The following KCTD10 variants were observed in gnomAD, a reference collection of about 807,000 sequenced individuals.
The protein encoded by KCTD10 is BTB/POZ domain-containing adapter for CUL3-mediated RhoA degradation protein 3.
Under a neutral mutation model 34.6 loss-of-function variants are expected in KCTD10, and 13 were observed. The observed-to-expected ratio is 0.38, with a 90% CI of 0.24 to 0.60. The LOEUF (loss-of-function observed/expected upper bound fraction) is 0.60, where lower values mean the gene tolerates loss of function less well. Among genes scored for constraint, KCTD10 ranks in the 20% least tolerant of loss-of-function variants. The pLI is 0.66. For synonymous variants in KCTD10, 156 were observed against 168.8 expected (o/e 0.92, Z 0.59); for missense variants, 256 against 420.3 (o/e 0.61, Z 3.42).
chr12:109,473,508 C>T (rs11066788), intron 1 of KCTD10, among the ~76,000 whole-genome samples: 10,267 of 152,084 alleles, frequency 0.068, 369 homozygotes, highest in South Asian at 0.11. Flanking sequence ...TAATGGCAGA[C>T]GGCATGACTA....
At chr12:109,457,392 A>G (rs1873072465) in intron 5 of KCTD10, 1 of 427,216 alleles carries the variant, frequency 2.3e-6, no homozygotes. Context: ...GTGAATATAT[A>G]AAAACCACAT....
intron 6 of KCTD10, among the ~76,000 whole-genome samples, chr12:109,454,628 C>A (rs964882893): frequency 6.6e-6 from 1 of 152,172 alleles, no homozygotes; most frequent in Non-Finnish European, 1.5e-5. Context: ...ACTCAGGAGG[C>A]TGAGGCAGGA....
chr12:109,457,564 G>A, intron 5 of KCTD10, 66 bp downstream of exon 5: 2 of 1,400,138 alleles, frequency 1.4e-6, no homozygotes, highest in Admixed American at 1.7e-5. Context: ...AGAAGAGCTG[G>A]GCCTGGCTGG....
At chr12:109,471,517 C>A (rs73196258) in intron 1 of KCTD10, 9 of 608,070 alleles carry the variant, frequency 1.5e-5, no homozygotes, top group Non-Finnish European at 1.9e-5. Flanking sequence ...CTTTGCTGCC[C>A]GATGCCAAAC....
chr12:109,470,578 G>T (rs1247388467), intron 1 of KCTD10: 1 of 985,438 alleles, frequency 1.0e-6, no homozygotes, highest in Non-Finnish European at 1.2e-6. Context: ...GATGTGCAAG[G>T]GTGGGCAGAA....
At chr12:109,468,321 G>A (rs940750069) in intron 2 of KCTD10, among the ~76,000 whole-genome samples, 1 of 152,128 alleles carries the variant, frequency 6.6e-6, no homozygotes, top group Non-Finnish European at 1.5e-5. Context: ...AGAATTAACT[G>A]TGGGACACCA....
intron 1 of KCTD10, chr12:109,470,620 T>C (rs889821619): frequency 7.1e-6 from 7 of 984,738 alleles, no homozygotes; most frequent in Non-Finnish European, 8.4e-6. Context: ...CCCCCACGGC[T>C]GGCCCTACCA....
intron 1 of KCTD10, chr12:109,470,812 T>C (rs7315846): frequency 0.17 from 28,546 of 169,466 alleles, 2,425 homozygotes; most frequent in African/African-American, 0.18. Context: ...ATAGGAGTTA[T>C]AGCTGCTGCT....
chr12:109,451,490 G>T lies in KCTD10; in HGVS notation c.*105C>A. 1 of 1,066,794 alleles carries T rather than the reference G, an allele frequency of 9.4e-7. No individual in the cohort carries two copies. Among genetic ancestry groups the T allele is most frequent in the Non-Finnish European group, 1.3e-6 (1 of 742,432 alleles). 66.1% of individuals were successfully genotyped at this position (1,066,794 alleles called of 1,614,324 possible). ...CTGGCTTGTTACAAAAGTATCTCCA[G>T]GCTCCAAGGGAAGCAGAAGGGGCCC... is the stretch of plus-strand genomic sequence containing the variant. On this transcript the variant is annotated 3_prime_UTR_variant, in exon 7 of 7. Transcript: ENST00000228495. The surrounding 1 kb of genome is among the most constrained non-coding windows in gnomAD (Gnocchi z 5.0).
At chr12:109,466,576 T>A (rs1752938659) in intron 2 of KCTD10, among the ~76,000 whole-genome samples, 1 of 135,344 alleles carries the variant, frequency 7.4e-6, no homozygotes, top group South Asian at 2.2e-4. Flanking sequence ...CTGGCTAACA[T>A]CAACATCCAA....
At position 109,463,281 on chromosome 12, in the gene KCTD10, G is replaced by A. The variant is rs573873647; in HGVS notation, c.218-2476C>T. On this transcript the variant is annotated intron_variant, in intron 2 of 6. Coordinates refer to ENST00000228495, the MANE Select transcript of KCTD10 (RefSeq NM_031954.5). ...TCCCATAAATGAACAGGCAGACCGTGACACTGGGCTCCGGCTCAAGAATGC... is the reference window on the plus strand; with the variant it reads ...TCCCATAAATGAACAGGCAGACCGTAACACTGGGCTCCGGCTCAAGAATGC... 5.4e-4 allele frequency among the ~76,000 whole-genome samples: 83 copies of A among 152,300 alleles called. 2 individuals are homozygous for A. In the South Asian group the frequency reaches 6.8e-3, roughly 13 times the overall value.
At chr12:109,456,094 A>C (rs1271322145) in intron 6 of KCTD10, 24 bp downstream of exon 6, 2 of 1,612,980 alleles carry the variant, frequency 1.2e-6, no homozygotes, top group East Asian at 2.2e-5. Context: ...CAGCCACTCC[A>C]AACTGTCCTC....
chr12:109,468,740 C>T (rs903319257), intron 2 of KCTD10, among the ~76,000 whole-genome samples: 8 of 151,650 alleles, frequency 5.3e-5, no homozygotes, highest in African/African-American at 1.7e-4. Context: ...GCAAGCTCCG[C>T]CTCCCGAGTT....
intron 5 of KCTD10, 83 bp from the exon 6 acceptor site, chr12:109,456,396 A>G: frequency 8.5e-7 from 1 of 1,177,106 alleles, no homozygotes; most frequent in South Asian, 1.2e-5. Flanking sequence ...GCAGGGCCCT[A>G]CTGAGCCCAC....
intron 6 of KCTD10, among the ~76,000 whole-genome samples, chr12:109,453,631 G>C (rs2135638584): frequency 1.3e-5 from 2 of 152,276 alleles, no homozygotes; most frequent in South Asian, 4.1e-4. Flanking sequence ...GGAGAATCTG[G>C]TTGCTTTTTC....
At chr12:109,476,513 A>T (rs576643870) in intron 1 of KCTD10, among the ~76,000 whole-genome samples, 13 of 152,124 alleles carry the variant, frequency 8.5e-5, no homozygotes, top group Non-Finnish European at 1.6e-4. Flanking sequence ...TGAGAGACAG[A>T]TCTTGAAACA....
At chr12:109,464,840 C>T (rs66769661) in intron 2 of KCTD10, 2 of 456,070 alleles carry the variant, frequency 4.4e-6, no homozygotes, top group South Asian at 1.5e-5. Flanking sequence ...ATCCAGACTT[C>T]TGCAGGGAGT....
rs750209617 is a variant in KCTD10, at chr12:109,477,295, C to T, written c.-33G>A. ...CGGAGGACGCAGGAGTCTCCAAACC[C>T]GGACTGAGAGAGGCAGGAAACACCC... On this transcript the variant is annotated 5_prime_UTR_variant, in exon 1 of 7. Coordinates refer to ENST00000228495, the MANE Select transcript of KCTD10 (RefSeq NM_031954.5). The T allele has an allele frequency of 6.2e-7, 1 of 1,613,632 alleles. No homozygotes were observed. Among genetic ancestry groups the T allele is most frequent in the Non-Finnish European group, 8.5e-7 (1 of 1,179,810 alleles).
rs771675959 is a variant in KCTD10, at chr12:109,477,279, C to G, written c.-17G>C. 1.9e-6 allele frequency: 3 copies of G among 1,613,838 alleles called. 1 individual carries two copies. Among genetic ancestry groups the G allele is most frequent in the South Asian group, 2.2e-5 (2 of 91,034 alleles). On this transcript the variant is annotated 5_prime_UTR_variant, in exon 1 of 7. Transcript: ENST00000228495. ...CCCTACCATGAAAAGTCGGAGGACG[C>G]AGGAGTCTCCAAACCCGGACTGAGA...
Sources: allele counts gnomAD v4.1 joint callset (sites outside exome capture counted in the v4.1 genomes callset), GRCh38; gene constraint gnomAD v4.1.1; non-coding constraint Gnocchi (gnomAD v3.1); transcripts MANE v1.5; gene names NCBI Gene and HGNC (gene_info 2026-07-23, HGNC 2026-07-21).